SOX6: variants seen among roughly 807,000 people sequenced by gnomAD.
SOX6 encodes the protein transcription factor SOX-6.
A neutral mutation model predicts 97.8 loss-of-function variants in SOX6; 11 were observed. The ratio of observed to expected loss-of-function variants is 0.11; its 90% CI spans 0.07 to 0.19. The LOEUF (loss-of-function observed/expected upper bound fraction) is 0.19. Among genes scored for constraint, SOX6 ranks in the 10% least tolerant of loss-of-function variants. SOX6 has a pLI of 1.00. For missense variants in SOX6, 810 were observed against 1,039.5 expected (o/e 0.78, Z 3.04); for synonymous variants, 360 against 371.4 (o/e 0.97, Z 0.35).
At chr11:16,377,932 G>A (rs1857687775) in intron 1 of SOX6, among the ~76,000 whole-genome samples, 1 of 152,166 alleles carries the variant, frequency 6.6e-6, no homozygotes, top group South Asian at 2.1e-4. Context: ...GTTGGGCGGA[G>A]CATAAATTGG....
chr11:16,023,807 C>A lies in SOX6; in HGVS notation c.1624-8757G>T, dbSNP rs1855139960. ...TTTCAATTTAATTCCTCCTGAGAAA[C>A]AAGAACATTCCTAGGGAAGATAATC... On this transcript the variant is annotated intron_variant, in intron 12 of 15. Transcript: ENST00000683767. 2.0e-5 allele frequency among the ~76,000 whole-genome samples: 3 copies of A among 152,216 alleles called. No individual in the cohort carries two copies. The South Asian group carries it at 6.2e-4, about 32-fold the overall frequency.
intron 4 of SOX6, among the ~76,000 whole-genome samples, chr11:16,228,877 C>G (rs1417546899): frequency 6.6e-6 from 1 of 152,170 alleles, no homozygotes; most frequent in African/African-American, 2.4e-5. Context: ...AGTCTTCCAA[C>G]TCCTATCAAG....
chr11:16,317,512 ATT>A (rs67359774), intron 3 of SOX6: 6,177 of 153,222 alleles, frequency 0.04, 171 homozygotes, highest in African/African-American at 0.069. Context: ...AAATATATAC[ATT>A]TTGTGTCATA....
chr11:16,390,634 T>G (rs755873340), intron 1 of SOX6, among the ~76,000 whole-genome samples: 5 of 152,204 alleles, frequency 3.3e-5, no homozygotes, highest in Non-Finnish European at 7.3e-5. Context: ...TTAGTAAGCC[T>G]TTAATGTTTG....
Position 16,192,015 on chromosome 11 carries a change from A to C in SOX6, c.536-5060T>G, listed in dbSNP as rs758155076. ...TTTGACTAAACACCTGATTTATTTT[A>C]TCTCTCCGATGAGAAAGGCAGTTTG... On this transcript the variant is annotated intron_variant, in intron 4 of 15. Coordinates refer to ENST00000683767, the MANE Select transcript of SOX6 (RefSeq NM_001367873.1). Among the ~76,000 whole-genome samples the C allele has an allele frequency of 4.1e-4, 63 of 152,054 alleles. 1 individual carries two copies. Among genetic ancestry groups the C allele is most frequent in the South Asian group, 4.2e-4 (2 of 4,812 alleles).
intron 3 of SOX6, among the ~76,000 whole-genome samples, chr11:16,660,111 AT>A (rs1460094283): frequency 6.6e-6 from 1 of 151,856 alleles, no homozygotes; most frequent in Non-Finnish European, 1.5e-5. Context: ...CCTATTTTCA[AT>A]GTCATTGATT....
Position 16,610,764 on chromosome 11 carries a change from C to T in SOX6, n.609+1317G>A, listed in dbSNP as rs907211829. 6.6e-6 allele frequency among the ~76,000 whole-genome samples: 1 copy of T among 152,180 alleles called. No individual in the cohort carries two copies. Among genetic ancestry groups the T allele is most frequent in the Non-Finnish European group, 1.5e-5 (1 of 68,022 alleles). ...CATCTAAGGGTTTCCTCTAAAGCCT[C>T]GGGCGCTGGCTATACCAATGAAGAG... On this transcript the variant is annotated intron_variant and non_coding_transcript_variant, in intron 4 of 5. Coordinates refer to the SOX6 transcript ENST00000524520. The surrounding 1 kb of genome is among the most constrained non-coding windows in gnomAD (Gnocchi z 4.4).
intron 2 of SOX6, among the ~76,000 whole-genome samples, chr11:16,734,569 G>A (rs919603416): frequency 6.6e-6 from 1 of 151,950 alleles, no homozygotes; most frequent in African/African-American, 2.4e-5. Flanking sequence ...TACTCTCCTT[G>A]TTGACCCACC....
At chr11:16,650,355 T>C (rs969859595) in intron 3 of SOX6, among the ~76,000 whole-genome samples, 3 of 152,198 alleles carry the variant, frequency 2.0e-5, no homozygotes, top group Admixed American at 1.3e-4. Flanking sequence ...ATGAACATTC[T>C]CCAAGATAGA....
intron 2 of SOX6, among the ~76,000 whole-genome samples, chr11:16,720,914 TA>T (rs914037511): frequency 2.6e-5 from 4 of 152,108 alleles, no homozygotes; most frequent in Non-Finnish European, 4.4e-5. Context: ...TTTTAAGGGA[TA>T]AAATCTTAAA....
At chr11:15,994,986 G>A (rs7111279) in intron 13 of SOX6, among the ~76,000 whole-genome samples, 61,366 of 151,954 alleles carry the variant, frequency 0.4, 13,007 homozygotes, top group East Asian at 0.62. Flanking sequence ...CCATGAAGAC[G>A]CTTTCTGGTC....
intron 1 of SOX6, among the ~76,000 whole-genome samples, chr11:16,385,193 A>C (rs1857945055): frequency 6.6e-6 from 1 of 152,052 alleles, no homozygotes; most frequent in South Asian, 2.1e-4. Context: ...TCATAACTAG[A>C]ATTCAGATTA....
Position 15,967,383 on chromosome 11 carries a change from T to A in SOX6, c.*5426A>T, listed in dbSNP as rs566369621. 3 of 152,360 alleles carry A rather than the reference T, an allele frequency of 2.0e-5. No homozygotes were observed. The South Asian group carries it at 6.2e-4, about 32-fold the overall frequency. 9.4% of individuals were successfully genotyped at this position (152,360 alleles called of 1,614,324 possible). ...CAGCAGCCAGCATGTCAGTCCAGCA[T>A]GTCAGTGAATTGTGCTGATTAAATT... On this transcript the variant is annotated 3_prime_UTR_variant, in exon 16 of 16. Transcript: ENST00000683767.
At chr11:16,061,759 T>C (rs1200447544) in intron 9 of SOX6, among the ~76,000 whole-genome samples, 1 of 151,826 alleles carries the variant, frequency 6.6e-6, no homozygotes, top group Non-Finnish European at 1.5e-5. Flanking sequence ...AGCCAGCTGA[T>C]CTTTGACAAA....
At chr11:16,287,545 A>G (rs1286480614) in intron 3 of SOX6, among the ~76,000 whole-genome samples, 1 of 152,036 alleles carries the variant, frequency 6.6e-6, no homozygotes, top group Non-Finnish European at 1.5e-5. Context: ...AAACACTGAA[A>G]TAAGTATTAA....
chr11:16,430,685 GA>G (rs1859256180), intron 1 of SOX6, among the ~76,000 whole-genome samples: 2 of 152,236 alleles, frequency 1.3e-5, no homozygotes, highest in South Asian at 4.2e-4. Flanking sequence ...CCAGCCTCCA[GA>G]ACTGTGAAAA....
At chr11:16,060,787 A>C (rs1035568325) in intron 9 of SOX6, among the ~76,000 whole-genome samples, 3 of 151,862 alleles carry the variant, frequency 2.0e-5, no homozygotes, top group Non-Finnish European at 4.4e-5. Flanking sequence ...ATAAATCCTT[A>C]ACACTTGATC....
chr11:16,573,267 G>T (rs1300738521), intron 4 of SOX6, among the ~76,000 whole-genome samples: 1 of 152,114 alleles, frequency 6.6e-6, no homozygotes, highest in African/African-American at 2.4e-5. Flanking sequence ...AATTAAGAAG[G>T]CCAGCTTCAT....
chr11:16,644,839 C>T lies in SOX6; in HGVS notation n.430-32579G>A, dbSNP rs376405899. Among the ~76,000 whole-genome samples the T allele has an allele frequency of 7.2e-5, 11 of 152,252 alleles. No individual in the cohort carries two copies. The South Asian group carries it at 1.7e-3, about 23-fold the overall frequency. On this transcript the variant is annotated intron_variant and non_coding_transcript_variant, in intron 3 of 5. Transcript: ENST00000524520. The stretch of plus-strand genomic sequence containing the variant: ...AAATTTTATTCACTTGGTCTATCAG[C>T]CCACAATATGCCTGCTCACTTTTCA...
Sources: gnomAD v4.1 joint callset for allele counts (sites outside exome capture counted in the v4.1 genomes callset) on GRCh38, gnomAD v4.1.1 for gene constraint, Gnocchi (gnomAD v3.1) non-coding constraint, MANE v1.5 for transcripts, NCBI Gene and HGNC (gene_info 2026-07-23, HGNC 2026-07-21) for gene names.